PRR5: variants seen among roughly 807,000 people sequenced by gnomAD.
PRR5 encodes the protein proline rich 5.
PRR5 carries 25 observed loss-of-function variants against 30.6 expected under a neutral mutation model. The observed-to-expected ratio is 0.82, with a 90% confidence interval of 0.60 to 1.14. PRR5 has a LOEUF of 1.14. Among genes scored for constraint, PRR5 ranks in the 50% most tolerant of loss-of-function variants. PRR5 has a pLI of 0.00. For missense variants in PRR5, 600 were observed against 547.1 expected (o/e 1.10, Z -0.96); for synonymous variants, 286 against 247.1 (o/e 1.16, Z -1.48).
chr22:44,713,420 G>A (rs1257146374), intron 1 of PRR5, among the ~76,000 whole-genome samples: 2 of 152,088 alleles, frequency 1.3e-5, no homozygotes, highest in African/African-American at 2.4e-5. Flanking sequence ...TTTGGTAGAG[G>A]CAGGGTTTTG....
intron 2 of PRR5, among the ~76,000 whole-genome samples, chr22:44,715,486 A>G (rs1396395554): frequency 4.6e-5 from 7 of 152,274 alleles, no homozygotes; most frequent in East Asian, 1.9e-4. Flanking sequence ...AGGGGCCCTT[A>G]CATGTGGGTA....
At chr22:44,688,462 C>T (rs187709580) in intron 1 of PRR5, among the ~76,000 whole-genome samples, 4 of 152,266 alleles carry the variant, frequency 2.6e-5, no homozygotes, top group East Asian at 1.9e-4. Flanking sequence ...GTTAAGAACA[C>T]GGACGCTATG....
At chr22:44,721,033 A>C (rs1929855601) in intron 2 of PRR5, among the ~76,000 whole-genome samples, 1 of 152,176 alleles carries the variant, frequency 6.6e-6, no homozygotes, top group Admixed American at 6.6e-5. Context: ...CGCACTCATC[A>C]TGGGCAGGGA....
chr22:44,702,641 C>G, intron 1 of PRR5, 33 bp downstream of exon 1: 6 of 1,263,700 alleles, frequency 4.7e-6, no homozygotes, highest in Non-Finnish European at 5.0e-6. Context: ...ACCCGGAGGC[C>G]CTGGAGCCGG....
At chr22:44,709,833 C>G (rs1927877737) in intron 1 of PRR5, among the ~76,000 whole-genome samples, 1 of 152,084 alleles carries the variant, frequency 6.6e-6, no homozygotes, top group Non-Finnish European at 1.5e-5. Context: ...GCCTAGGTGA[C>G]AGAACGAGAC....
intron 1 of PRR5, among the ~76,000 whole-genome samples, chr22:44,697,139 A>G (rs1410418503): frequency 1.3e-5 from 2 of 152,208 alleles, no homozygotes. Flanking sequence ...TTCCCCACAC[A>G]GCCTCAGTTT....
intron 7 of PRR5, among the ~76,000 whole-genome samples, chr22:44,736,269 C>T (rs559269967): frequency 1.3e-5 from 2 of 152,352 alleles, no homozygotes; most frequent in East Asian, 1.9e-4. Context: ...CCCGCCTTGA[C>T]CTTACATGGA....
intron 2 of PRR5, among the ~76,000 whole-genome samples, chr22:44,721,792 G>T (rs552017043): frequency 6.6e-6 from 1 of 152,170 alleles, no homozygotes; most frequent in African/African-American, 2.4e-5. Context: ...GTCACATGGC[G>T]TGCTAGCAAG....
chr22:44,671,195 C>T (rs1923406795), intron 1 of PRR5, among the ~76,000 whole-genome samples: 1 of 152,118 alleles, frequency 6.6e-6, no homozygotes, highest in African/African-American at 2.4e-5. Context: ...ATCCTGAAGC[C>T]CAGAGGGGGG....
intron 1 of PRR5, among the ~76,000 whole-genome samples, chr22:44,688,434 A>C (rs2146962171): frequency 6.6e-6 from 1 of 152,324 alleles, no homozygotes. Context: ...GTTAGAGTGC[A>C]ACTAGTAGAG....
intron 4 of PRR5, 181 bp from the exon 5 acceptor site, chr22:44,731,549 C>T: frequency 1.6e-6 from 1 of 617,542 alleles, no homozygotes; most frequent in South Asian, 1.9e-5. Context: ...TGAGGTTAAG[C>T]AGTGGGCCCA....
At chr22:44,704,345 G>C (rs978300710) in intron 1 of PRR5, among the ~76,000 whole-genome samples, 3 of 152,106 alleles carry the variant, frequency 2.0e-5, no homozygotes, top group Admixed American at 2.0e-4. Flanking sequence ...CCAGACAGGT[G>C]GGGGCACTGG....
rs989219778 is a variant in PRR5, at chr22:44,679,190, G to T, written c.-11+1950G>T. Among the ~76,000 whole-genome samples, 3 of 152,178 alleles carry T rather than the reference G, an allele frequency of 2.0e-5. No homozygotes were observed. In the South Asian group the frequency reaches 6.2e-4, roughly 32 times the overall value. On this transcript the variant is annotated intron_variant, in intron 1 of 8. Transcript: ENST00000006251. ...GCATTTATTCATGCGAGGGAGGCAGGCAGGAGCAGGCTTGTGTTCTTAGGA... is the reference window on the plus strand; with the variant it reads ...GCATTTATTCATGCGAGGGAGGCAGTCAGGAGCAGGCTTGTGTTCTTAGGA...
chr22:44,671,503 C>T (rs2146920962), intron 1 of PRR5, among the ~76,000 whole-genome samples: 1 of 152,060 alleles, frequency 6.6e-6, no homozygotes, highest in East Asian at 1.9e-4. Flanking sequence ...CTGCTGCTAC[C>T]CAGAGGCTTG....
chr22:44,692,365 G>A lies in PRR5; in HGVS notation c.-10-10127G>A, dbSNP rs1925336738. On this transcript the variant is annotated intron_variant, in intron 1 of 8. Coordinates refer to the PRR5 transcript ENST00000006251. ...CTCCTCCTGGGGGCTCCTCCTCCCA[G>A]GGCTCCTCCTCCCGGGGCTCCTCCA... is the stretch of plus-strand genomic sequence containing the variant. 6.6e-5 allele frequency among the ~76,000 whole-genome samples: 7 copies of A among 106,346 alleles called. 1 individual carries two copies. The South Asian group carries it at 2.4e-3, about 36-fold the overall frequency. The allele number at this position is 106,346 out of a possible 152,430, so 69.8% of individuals were successfully genotyped here.
chr22:44,677,405 G>A (rs1040094713), intron 1 of PRR5, among the ~76,000 whole-genome samples: 13 of 152,194 alleles, frequency 8.5e-5, no homozygotes, highest in African/African-American at 1.2e-4. Context: ...GCCCCACTCC[G>A]TTTCAGCCCT....
chr22:44,727,229 G>A (rs749808085), intron 4 of PRR5, among the ~76,000 whole-genome samples: 17 of 152,170 alleles, frequency 1.1e-4, no homozygotes, highest in Non-Finnish European at 2.1e-4. Flanking sequence ...CTCACGGCCC[G>A]GAGGTCCCCG....
At chr22:44,730,373 A>G (rs1377511297) in intron 4 of PRR5, 1 of 984,762 alleles carries the variant, frequency 1.0e-6, no homozygotes, top group Non-Finnish European at 1.2e-6. Context: ...CCTTGGGGAC[A>G]CGTCCTTGGA....
chr22:44,685,529 AGCCAGTGAAAGCCACACCCCTCTC>A (rs1389953980), intron 1 of PRR5, among the ~76,000 whole-genome samples: 2,408 of 148,834 alleles, frequency 0.016, 69 homozygotes, highest in African/African-American at 0.057. Context: ...CTTTCAGAGA[AGCCAGTGAAAGCCACACCCCTCTC>A]GCCAGTGAAA....
Sources: allele counts gnomAD v4.1 joint callset (sites outside exome capture counted in the v4.1 genomes callset), GRCh38; gene constraint gnomAD v4.1.1; transcripts MANE v1.5; gene names NCBI Gene and HGNC (gene_info 2026-07-23, HGNC 2026-07-21).